Variants in DGKB observed in about 807,000 individuals in gnomAD.
The protein encoded by DGKB is 90 kDa diacylglycerol kinase.
Under a neutral mutation model 114.3 loss-of-function variants are expected in DGKB, and 67 were observed. That is an observed-to-expected ratio of 0.59 (90% CI 0.48 to 0.72). DGKB has a LOEUF of 0.72. Ranked by LOEUF, DGKB falls within the 30% of genes least tolerant of loss-of-function variation. The probability of loss-of-function intolerance (pLI) is 0.00; values close to 1 mark genes in which losing one functional copy is unlikely to be tolerated. For synonymous variants in DGKB, 398 were observed against 323.1 expected (o/e 1.23, Z -2.49); for missense variants, 907 against 975.2 (o/e 0.93, Z 0.93).
At chr7:14,671,792 A>T (rs903617726) in intron 13 of DGKB, among the ~76,000 whole-genome samples, 1 of 152,144 alleles carries the variant, frequency 6.6e-6, no homozygotes, top group Non-Finnish European at 1.5e-5. Context: ...AATATAAATA[A>T]TACAAAAATT....
At chr7:14,309,711 G>A (rs1585053367) in intron 23 of DGKB, among the ~76,000 whole-genome samples, 2 of 152,288 alleles carry the variant, frequency 1.3e-5, no homozygotes, top group East Asian at 1.9e-4. Flanking sequence ...GATAATTCTT[G>A]TTCTTCAGGG....
At chr7:14,396,742 A>G (rs750734125) in intron 21 of DGKB, among the ~76,000 whole-genome samples, 13 of 152,164 alleles carry the variant, frequency 8.5e-5, no homozygotes, top group Non-Finnish European at 1.6e-4. Flanking sequence ...GGGTGACAAT[A>G]TGCTTCAATC....
chr7:14,516,813 G>T (rs1788868362), intron 20 of DGKB, among the ~76,000 whole-genome samples: 1 of 152,024 alleles, frequency 6.6e-6, no homozygotes, highest in Non-Finnish European at 1.5e-5. Flanking sequence ...ACTGCTCAAA[G>T]AAATCAGAGA....
intron 20 of DGKB, among the ~76,000 whole-genome samples, chr7:14,526,118 A>T (rs1403812000): frequency 6.6e-6 from 1 of 152,222 alleles, no homozygotes; most frequent in Non-Finnish European, 1.5e-5. Context: ...TTTCAAGGAA[A>T]AAAATGAACA....
intron 23 of DGKB, among the ~76,000 whole-genome samples, chr7:14,214,285 A>T (rs1315406614): frequency 1.3e-5 from 2 of 152,084 alleles, no homozygotes; most frequent in African/African-American, 4.8e-5. Context: ...CTTCATTTTC[A>T]ACTTACATTT....
rs116724326 is a variant in DGKB at position 14,584,304 on chromosome 7, T to G, written c.1434-1167A>C. On this transcript the variant is annotated intron_variant, in intron 17 of 25. Transcript: ENST00000402815. ...TGTGTCTCATTACTACAAAAAAGTA[T>G]TGTATTTAACATTAGTTGAAGAACA... 1.4e-3 allele frequency among the ~76,000 whole-genome samples: 218 copies of G among 152,310 alleles called. 1 individual carries two copies. The highest frequency in any genetic ancestry group is 4.9e-3 in the African/African-American group (202 of 41,562).
In DGKB at chr7:14,626,812, G is replaced by T. The variant is rs188447056; in HGVS notation, c.1167+3424C>A. Among the ~76,000 whole-genome samples, 584 of 152,188 alleles carry T rather than the reference G, an allele frequency of 3.8e-3. 3 individuals carry two copies. Among genetic ancestry groups the T allele is most frequent in the African/African-American group, 0.014 (568 of 41,538 alleles). On this transcript the variant is annotated intron_variant, in intron 14 of 25. Coordinates refer to ENST00000402815, the MANE Select transcript of DGKB (RefSeq NM_001350709.2). ...AGATAAATATAATAAACGATATAAG[G>T]TCTAAAGATTTTTATTTCTTTTAAA...
rs756099398 is a variant in DGKB, at chr7:14,478,238, A to T, written c.1771-13T>A. On this transcript the variant is annotated splice_polypyrimidine_tract_variant and intron_variant, in intron 20 of 25. Transcript: ENST00000402815. ...CAATGGAGGCATCCTAAGGGGAGAA[A>T]ATAGAAAACAAAAACAGGATGGTTT... 1 of 1,535,326 alleles carries T rather than the reference A, an allele frequency of 6.5e-7. No homozygotes were observed. The highest frequency in any genetic ancestry group is 1.2e-5 in the South Asian group (1 of 80,630).
intron 21 of DGKB, among the ~76,000 whole-genome samples, chr7:14,388,742 A>C (rs1820838743): frequency 6.6e-6 from 1 of 152,162 alleles, no homozygotes; most frequent in Non-Finnish European, 1.5e-5. Flanking sequence ...AGATGGAGAA[A>C]AAAGAAGACT....
At chr7:14,523,384 T>C (rs1475378966) in intron 20 of DGKB, among the ~76,000 whole-genome samples, 3 of 152,168 alleles carry the variant, frequency 2.0e-5, no homozygotes, top group Non-Finnish European at 4.4e-5. Context: ...GTATGAGCCA[T>C]AGCCATGCAT....
intron 6 of DGKB, among the ~76,000 whole-genome samples, chr7:14,708,819 A>G (rs1338463417): frequency 6.7e-6 from 1 of 149,486 alleles, no homozygotes; most frequent in Non-Finnish European, 1.5e-5. Flanking sequence ...TCAATTCAAG[A>G]TGGATTAAAG....
At chr7:14,896,211 G>A (rs1782076368) in intron 1 of DGKB, among the ~76,000 whole-genome samples, 1 of 151,578 alleles carries the variant, frequency 6.6e-6, no homozygotes. Flanking sequence ...TGATAGCTAT[G>A]ACTATGTTTT....
Position 14,529,876 on chromosome 7 carries a change from T to A in DGKB, c.1770+44336A>T, listed in dbSNP as rs371599145. Among the ~76,000 whole-genome samples the A allele has an allele frequency of 2.6e-5, 4 of 151,748 alleles. No individual in the cohort carries two copies. The East Asian group carries it at 7.7e-4, about 29-fold the overall frequency. ...TTCTACACTATAATAAAGTATGAAATCTTCTCAAATATTCTCTTGTCCAAT... is the reference window on the plus strand; with the variant it reads ...TTCTACACTATAATAAAGTATGAAAACTTCTCAAATATTCTCTTGTCCAAT... On this transcript the variant is annotated intron_variant, in intron 20 of 25. Coordinates refer to ENST00000402815, the MANE Select transcript of DGKB (RefSeq NM_001350709.2).
At chr7:14,689,381 T>C (rs888539947) in intron 9 of DGKB, among the ~76,000 whole-genome samples, 2 of 151,678 alleles carry the variant, frequency 1.3e-5, no homozygotes, top group Non-Finnish European at 1.5e-5. Context: ...TTCACCGTGT[T>C]AGCCAGGATG....
intron 13 of DGKB, among the ~76,000 whole-genome samples, chr7:14,665,557 C>T (rs1345685134): frequency 6.6e-6 from 1 of 151,876 alleles, no homozygotes. Flanking sequence ...TAAATTATAA[C>T]ACAAAATGTG....
chr7:14,954,314 A>T (rs760077012), intron 1 of DGKB, among the ~76,000 whole-genome samples: 1 of 152,102 alleles, frequency 6.6e-6, no homozygotes, highest in Non-Finnish European at 1.5e-5. Flanking sequence ...CATTTCAGGC[A>T]GGTGAGCACT....
intron 23 of DGKB, among the ~76,000 whole-genome samples, chr7:14,239,236 TA>T (rs771740923): frequency 6.6e-6 from 1 of 152,072 alleles, no homozygotes; most frequent in Non-Finnish European, 1.5e-5. Context: ...ACAAAGCTTA[TA>T]AAAAAGTGCA....
chr7:14,877,925 A>G (rs968281550), intron 1 of DGKB, among the ~76,000 whole-genome samples: 5 of 152,166 alleles, frequency 3.3e-5, no homozygotes, highest in Non-Finnish European at 7.4e-5. Context: ...TAAATTTTTT[A>G]TATCTTTAGT....
chr7:14,769,192 AAAGAAAGG>A (rs1304824595), intron 2 of DGKB, among the ~76,000 whole-genome samples: 1 of 150,212 alleles, frequency 6.7e-6, no homozygotes, highest in Non-Finnish European at 1.5e-5. Context: ...GGAAAGAAAG[AAAGAAAGG>A]AAGAAAGGAA....
Sources: allele counts gnomAD v4.1 joint callset (sites outside exome capture counted in the v4.1 genomes callset), GRCh38; gene constraint gnomAD v4.1.1; transcripts MANE v1.5; gene names NCBI Gene and HGNC (gene_info 2026-07-23, HGNC 2026-07-21).